Variants in SLC14A2 observed in about 807,000 individuals in gnomAD.
SLC14A2 encodes the protein urea transporter 2.
Under a neutral mutation model 104.6 loss-of-function variants are expected in SLC14A2, and 91 were observed. The ratio of observed to expected loss-of-function variants is 0.87; its 90% CI spans 0.73 to 1.04. SLC14A2 has a LOEUF of 1.04. Among genes scored for constraint, SLC14A2 ranks in the 50% least tolerant of loss-of-function variants. The pLI is 0.00. For synonymous variants in SLC14A2, 476 were observed against 466.4 expected, an observed-to-expected ratio of 1.02 and a Z score of -0.27; for missense variants, 1,189 against 1,156.0, an observed-to-expected ratio of 1.03 and a Z score of -0.41.
intron 1 of SLC14A2, among the ~76,000 whole-genome samples, chr18:45,281,071 G>A (rs142974651): frequency 1.3e-4 from 20 of 152,188 alleles, no homozygotes; most frequent in East Asian, 5.8e-4. Context: ...CAGTCATTCC[G>A]TGTCTGTCAA....
At chr18:45,370,776 GGA>G (rs1311483099) in intron 1 of SLC14A2, among the ~76,000 whole-genome samples, 1 of 152,094 alleles carries the variant, frequency 6.6e-6, no homozygotes, top group Non-Finnish European at 1.5e-5. Flanking sequence ...CCAGGGAGTG[GGA>G]GAGAGAGAGC....
At chr18:45,493,517 G>C (rs764984507) in intron 2 of SLC14A2, among the ~76,000 whole-genome samples, 42 of 152,194 alleles carry the variant, frequency 2.8e-4, no homozygotes, top group Non-Finnish European at 1.6e-4. Context: ...GTGAAATACT[G>C]GTGTGAGTGT....
chr18:45,438,377 AC>A (rs1397044190), intron 1 of SLC14A2: 1 of 152,172 alleles, frequency 6.6e-6, no homozygotes, highest in Non-Finnish European at 1.5e-5. Context: ...TTTTTATTCC[AC>A]AGCTAGCAGA....
At chr18:45,514,786 C>T (rs1450604379) in intron 2 of SLC14A2, among the ~76,000 whole-genome samples, 1 of 152,152 alleles carries the variant, frequency 6.6e-6, no homozygotes, top group Non-Finnish European at 1.5e-5. Flanking sequence ...TGGGGAAACA[C>T]CCATGTAGTA....
intron 1 of SLC14A2, among the ~76,000 whole-genome samples, chr18:45,321,778 A>G (rs1217643142): frequency 6.6e-6 from 1 of 152,226 alleles, no homozygotes; most frequent in Non-Finnish European, 1.5e-5. Context: ...GCAGTCATCC[A>G]CTATTTTTAG....
chr18:45,402,637 G>T (rs993458507), intron 1 of SLC14A2, among the ~76,000 whole-genome samples: 10 of 152,178 alleles, frequency 6.6e-5, no homozygotes, highest in South Asian at 2.1e-4. Context: ...TTGTGCCTTG[G>T]CACTCTAAAG....
upstream of SLC14A2, among the ~76,000 whole-genome samples, chr18:45,208,545 A>G (rs1396668428): frequency 6.6e-6 from 1 of 152,188 alleles, no homozygotes; most frequent in African/African-American, 2.4e-5. Context: ...GGAGAAGGAG[A>G]GACGTTAAAG....
At chr18:45,226,877 G>A (rs2084124173) in intron 1 of SLC14A2, among the ~76,000 whole-genome samples, 1 of 147,860 alleles carries the variant, frequency 6.8e-6, no homozygotes, top group African/African-American at 2.7e-5. Flanking sequence ...TAAATAGATA[G>A]AAGTTTATTT....
At chr18:45,487,061 C>T (rs2144716138) in intron 2 of SLC14A2, among the ~76,000 whole-genome samples, 1 of 152,314 alleles carries the variant, frequency 6.6e-6, no homozygotes, top group South Asian at 2.1e-4. Flanking sequence ...AACACAAATT[C>T]ATTGTTTTAC....
chr18:45,446,032 T>A (rs2144596440), intron 1 of SLC14A2, among the ~76,000 whole-genome samples: 1 of 152,304 alleles, frequency 6.6e-6, no homozygotes, highest in Middle Eastern at 3.4e-3. Context: ...GGCTATATAA[T>A]TTTCTCCAAA....
intron 2 of SLC14A2, among the ~76,000 whole-genome samples, chr18:45,491,169 G>A (rs984128899): frequency 6.6e-6 from 1 of 152,102 alleles, no homozygotes; most frequent in Non-Finnish European, 1.5e-5. Context: ...GTTTATTATT[G>A]CATTATTTAC....
At chr18:45,583,950 T>C (rs1428718733) in intron 2 of SLC14A2, among the ~76,000 whole-genome samples, 1 of 152,238 alleles carries the variant, frequency 6.6e-6, no homozygotes, top group Non-Finnish European at 1.5e-5. Flanking sequence ...ACATTAAAAA[T>C]TGTAAAAAGA....
intron 2 of SLC14A2, among the ~76,000 whole-genome samples, chr18:45,512,133 T>C (rs2043374183): frequency 6.6e-6 from 1 of 152,180 alleles, no homozygotes; most frequent in African/African-American, 2.4e-5. Context: ...CCCAGATGCA[T>C]GTACAGGAGC....
chr18:45,311,098 C>G (rs908668107), intron 1 of SLC14A2, among the ~76,000 whole-genome samples: 2 of 152,044 alleles, frequency 1.3e-5, no homozygotes, highest in Admixed American at 1.3e-4. Flanking sequence ...AGTCAGCCAG[C>G]AAGAACAAGG....
intron 2 of SLC14A2, among the ~76,000 whole-genome samples, chr18:45,542,603 C>G (rs1259672307): frequency 1.3e-5 from 2 of 152,158 alleles, no homozygotes; most frequent in Non-Finnish European, 2.9e-5. Flanking sequence ...AATTGAATTT[C>G]ATTTTCCCAC....
chr18:45,349,311 A>G (rs1598707119), intron 1 of SLC14A2, among the ~76,000 whole-genome samples: 1 of 152,190 alleles, frequency 6.6e-6, no homozygotes, highest in African/African-American at 2.4e-5. Flanking sequence ...GGGCAGATCT[A>G]TTTTCCTTTG....
At chr18:45,282,343 C>A (rs34736163) in intron 1 of SLC14A2, among the ~76,000 whole-genome samples, 1 of 152,106 alleles carries the variant, frequency 6.6e-6, no homozygotes, top group African/African-American at 2.4e-5. Context: ...CAACTTAGTT[C>A]TCTGGATTGT....
At chr18:45,392,711 T>C (rs759050815) in intron 1 of SLC14A2, among the ~76,000 whole-genome samples, 4 of 152,322 alleles carry the variant, frequency 2.6e-5, no homozygotes, top group Middle Eastern at 3.4e-3. Flanking sequence ...ATAAAATACA[T>C]ATACAACTAG....
At chr18:45,482,851 T>C (rs565572550) in intron 1 of SLC14A2, among the ~76,000 whole-genome samples, 1 of 152,332 alleles carries the variant, frequency 6.6e-6, no homozygotes. Context: ...GGAATCATCT[T>C]AGAATGTGTC....
Sources: allele counts gnomAD v4.1 joint callset (sites outside exome capture counted in the v4.1 genomes callset), GRCh38; gene constraint gnomAD v4.1.1; transcripts MANE v1.5; gene names NCBI Gene and HGNC (gene_info 2026-07-23, HGNC 2026-07-21).